AGAP1: variants seen among roughly 807,000 people sequenced by gnomAD.
AGAP1 encodes the protein arf-GAP with GTPase, ANK repeat and PH domain-containing protein 1.
A neutral mutation model predicts 105.3 loss-of-function variants in AGAP1; 29 were observed. That is an observed-to-expected ratio of 0.28 (90% CI 0.21 to 0.38). The LOEUF (loss-of-function observed/expected upper bound fraction) is 0.38. Among genes scored for constraint, AGAP1 ranks in the 10% least tolerant of loss-of-function variants. The pLI, the probability that AGAP1 is intolerant of heterozygous loss-of-function variation, is 1.00. For synonymous variants in AGAP1, 509 were observed against 485.9 expected, an observed-to-expected ratio of 1.05 and a Z score of -0.63; for missense variants, 998 against 1,165.1, an observed-to-expected ratio of 0.86 and a Z score of 2.09.
rs1410200999 is a variant in AGAP1, at chr2:235,789,439, G to A, written c.674-8320G>A. 6.6e-6 allele frequency among the ~76,000 whole-genome samples: 1 copy of A among 152,048 alleles called. No individual in the cohort carries two copies. The highest frequency in any genetic ancestry group is 1.5e-5 in the Non-Finnish European group (1 of 68,022). ...ATTAACAACCCTAATAGGTAATTGCGACATAAATGAAGATAAATTTGTTTT... is the reference window on the plus strand; with the variant it reads ...ATTAACAACCCTAATAGGTAATTGCAACATAAATGAAGATAAATTTGTTTT... On this transcript the variant is annotated intron_variant, in intron 6 of 17. Transcript: ENST00000304032. The surrounding 1 kb of genome is among the most constrained non-coding windows in gnomAD (Gnocchi z 4.2).
In AGAP1 at chr2:235,610,715, C is replaced by T. The variant is rs934512152; in HGVS notation, c.164-98464C>T. 3.3e-5 allele frequency among the ~76,000 whole-genome samples: 5 copies of T among 152,270 alleles called. No individual in the cohort carries two copies. The highest frequency in any genetic ancestry group is 7.2e-5 in the African/African-American group (3 of 41,546). Reference sequence around the variant, plus strand: ...ACATTGCAGACCCGCCATCCTCAAACGCACTGTGCTCCCGTGAGCTCCCTG... The same window carrying T: ...ACATTGCAGACCCGCCATCCTCAAATGCACTGTGCTCCCGTGAGCTCCCTG... On this transcript the variant is annotated intron_variant, in intron 1 of 17. Transcript: ENST00000304032. The surrounding 1 kb of genome is among the most constrained non-coding windows in gnomAD (Gnocchi z 4.9).
Position 235,605,949 on chromosome 2 carries a change from T to C in AGAP1, c.164-103230T>C, listed in dbSNP as rs554030132. ...GCTGTCTGCAGACACAAAGATGTGT[T>C]TGCCTGGTGAAATTACAGAGCTTTT... On this transcript the variant is annotated intron_variant, in intron 1 of 17. Coordinates refer to ENST00000304032, the MANE Select transcript of AGAP1 (RefSeq NM_001037131.3). Among the ~76,000 whole-genome samples, 269 of 152,344 alleles carry C rather than the reference T, an allele frequency of 1.8e-3. 1 individual carries two copies. Among genetic ancestry groups the C allele is most frequent in the Middle Eastern group, 0.01 (3 of 294 alleles).
chr2:235,504,131 C>A (rs1941684538), intron 1 of AGAP1, among the ~76,000 whole-genome samples: 1 of 152,008 alleles, frequency 6.6e-6, no homozygotes, highest in Non-Finnish European at 1.5e-5. Flanking sequence ...CTTGAGCCAC[C>A]ACGCCCAGCC....
chr2:235,595,006 A>AG (rs1466621192), intron 1 of AGAP1, among the ~76,000 whole-genome samples: 1 of 150,072 alleles, frequency 6.7e-6, no homozygotes, highest in Non-Finnish European at 1.5e-5. Context: ...ACTGGCAAGG[A>AG]GGAGAGGGCA....
intron 1 of AGAP1, among the ~76,000 whole-genome samples, chr2:235,643,201 G>C (rs2149309246): frequency 6.6e-6 from 1 of 152,130 alleles, no homozygotes; most frequent in East Asian, 1.9e-4. Context: ...GGGAGGCCGA[G>C]GCGGGTGGAT....
At position 236,104,199 on chromosome 2, in the gene AGAP1, G is replaced by T. The variant is rs1344778594; in HGVS notation, c.2115-15993G>T. On this transcript the variant is annotated intron_variant, in intron 16 of 17. Transcript: ENST00000304032. This position sits in a 1 kb window ranked among gnomAD's most constrained non-coding sequence, Gnocchi z 4.7. ...AAGAGGCTGAGGGCCCGCTCCAGCA[G>T]CCGGGGCGCTGGTAGGGCCAGGCCT... Among the ~76,000 whole-genome samples, 1 of 152,210 alleles carries T rather than the reference G, an allele frequency of 6.6e-6. No homozygotes were observed. Among genetic ancestry groups the T allele is most frequent in the African/African-American group, 2.4e-5 (1 of 41,456 alleles).
At chr2:235,767,152 C>G (rs1048887951) in intron 6 of AGAP1, among the ~76,000 whole-genome samples, 1 of 152,168 alleles carries the variant, frequency 6.6e-6, no homozygotes, top group African/African-American at 2.4e-5. Context: ...CTCAGGTGAT[C>G]TGCCCACCTT....
rs558674762 is a variant in AGAP1 at position 235,988,293 on chromosome 2, T to C, written c.1645+19670T>C. On this transcript the variant is annotated intron_variant, in intron 13 of 17. Transcript: ENST00000304032. This position sits in a 1 kb window ranked among gnomAD's most constrained non-coding sequence, Gnocchi z 4.7. Reference sequence around the variant, plus strand: ...CCTGACTTCAGGTGATCCACCTGCCTCGGCCTCCCAAAGTGGTAGGATTAC... The same window carrying C: ...CCTGACTTCAGGTGATCCACCTGCCCCGGCCTCCCAAAGTGGTAGGATTAC... Among the ~76,000 whole-genome samples the C allele has an allele frequency of 6.6e-6, 1 of 152,316 alleles. No homozygotes were observed. The highest frequency in any genetic ancestry group is 2.1e-4 in the South Asian group (1 of 4,818).
At chr2:235,567,193 G>A (rs1268375104) in intron 1 of AGAP1, among the ~76,000 whole-genome samples, 2 of 152,258 alleles carry the variant, frequency 1.3e-5, no homozygotes, top group African/African-American at 4.8e-5. Context: ...GGCAGAGGGT[G>A]TGCCTAGAGC....
At chr2:235,817,958 A>G (rs995021701) in intron 9 of AGAP1, among the ~76,000 whole-genome samples, 6 of 152,220 alleles carry the variant, frequency 3.9e-5, no homozygotes, top group Non-Finnish European at 8.8e-5. Flanking sequence ...AAATTACCTA[A>G]TACTATAGTT....
chr2:235,794,582 G>A (rs1050222158), intron 6 of AGAP1, among the ~76,000 whole-genome samples: 3 of 151,976 alleles, frequency 2.0e-5, no homozygotes, highest in Non-Finnish European at 2.9e-5. Flanking sequence ...AGTGATTCTC[G>A]TGCCTCAGCC....
At position 235,609,431 on chromosome 2, in the gene AGAP1, C is replaced by G. The variant is rs1333638774; in HGVS notation, c.164-99748C>G. Among the ~76,000 whole-genome samples, 3 of 152,046 alleles carry G rather than the reference C, an allele frequency of 2.0e-5. No individual in the cohort carries two copies. The highest frequency in any genetic ancestry group is 4.4e-5 in the Non-Finnish European group (3 of 68,020). ...AGAAAATAGCAAGGGCTGCTGGGCA[C>G]GATCATTCGAGATTCCAAGAGGTAA... On this transcript the variant is annotated intron_variant, in intron 1 of 17. Coordinates refer to ENST00000304032, the MANE Select transcript of AGAP1 (RefSeq NM_001037131.3). This position sits in a 1 kb window ranked among gnomAD's most constrained non-coding sequence, Gnocchi z 5.1.
chr2:235,632,626 C>A (rs1946865166), intron 1 of AGAP1, among the ~76,000 whole-genome samples: 1 of 152,152 alleles, frequency 6.6e-6, no homozygotes, highest in African/African-American at 2.4e-5. Flanking sequence ...AATTGGGAAA[C>A]TTTGATTGCT....
intron 8 of AGAP1, among the ~76,000 whole-genome samples, chr2:235,806,868 A>G (rs1247777421): frequency 1.3e-5 from 2 of 152,244 alleles, no homozygotes; most frequent in Non-Finnish European, 2.9e-5. Context: ...AGATTTTCCA[A>G]ATAAACATTG....
At chr2:235,711,558 G>A (rs1950856269) in intron 2 of AGAP1, among the ~76,000 whole-genome samples, 1 of 152,234 alleles carries the variant, frequency 6.6e-6, no homozygotes, top group Admixed American at 6.5e-5. Context: ...GGGCTTCGAT[G>A]CTGTTGGTTC....
chr2:235,672,259 CCTT>C (rs1017841304), intron 1 of AGAP1, among the ~76,000 whole-genome samples: 43 of 152,098 alleles, frequency 2.8e-4, no homozygotes, highest in African/African-American at 1.0e-3. Flanking sequence ...AAATGACTGT[CCTT>C]ATGGAAATAT....
At chr2:235,527,098 A>G (rs1232041996) in intron 1 of AGAP1, among the ~76,000 whole-genome samples, 3 of 152,186 alleles carry the variant, frequency 2.0e-5, no homozygotes, top group South Asian at 2.1e-4. Flanking sequence ...TGTCCATGAC[A>G]TGTAGCAATC....
chr2:235,990,169 GA>G (rs1469885397), intron 13 of AGAP1, among the ~76,000 whole-genome samples: 10 of 152,238 alleles, frequency 6.6e-5, no homozygotes, highest in Admixed American at 1.3e-4. Flanking sequence ...TCAAATTGCA[GA>G]AAAATAAAAG....
rs917182824 is a variant in AGAP1, at chr2:235,720,381, C to T, written c.310+2737C>T. ...GACTATCAAAGGGATGTGTTGTCCT[C>T]GGGGAGTGCTGGAGGCTGACAAAGC... is the stretch of plus-strand genomic sequence containing the variant. On this transcript the variant is annotated intron_variant, in intron 3 of 17. Transcript: ENST00000304032. This position sits in a 1 kb window ranked among gnomAD's most constrained non-coding sequence, Gnocchi z 5.0. Among the ~76,000 whole-genome samples, 41 of 152,038 alleles carry T rather than the reference C, an allele frequency of 2.7e-4. No individual in the cohort carries two copies. Among genetic ancestry groups the T allele is most frequent in the African/African-American group, 7.7e-4 (32 of 41,404 alleles).
Sources: allele counts gnomAD v4.1 joint callset (sites outside exome capture counted in the v4.1 genomes callset), GRCh38; gene constraint gnomAD v4.1.1; non-coding constraint Gnocchi (gnomAD v3.1); transcripts MANE v1.5; gene names NCBI Gene and HGNC (gene_info 2026-07-23, HGNC 2026-07-21).